The following COL18A1 variants were observed in gnomAD, a reference collection of about 807,000 sequenced individuals.
The protein encoded by COL18A1 is collagen alpha-1(XVIII) chain.
COL18A1 carries 133 observed loss-of-function variants against 168.0 expected under a neutral mutation model. That is an observed-to-expected ratio of 0.79 (90% confidence interval 0.69 to 0.91). The LOEUF (loss-of-function observed/expected upper bound fraction) is 0.91. COL18A1 is among the 40% of genes least tolerant of loss of function. The pLI, the probability that COL18A1 is intolerant of heterozygous loss-of-function variation, is 0.00. For missense variants in COL18A1, 2,126 were observed against 1,925.4 expected (o/e 1.10, Z -1.95); for synonymous variants, 949 against 809.0 (o/e 1.17, Z -2.94).
chr21:45,406,959 C>A (rs2033132093), intron 2 of COL18A1, among the ~76,000 whole-genome samples: 2 of 152,220 alleles, frequency 1.3e-5, no homozygotes, highest in Admixed American at 1.3e-4. Flanking sequence ...CCCGGGCCTG[C>A]CCCAGCCTCA....
intron 18 of COL18A1, among the ~76,000 whole-genome samples, chr21:45,488,843 G>T (rs2036203188): frequency 6.6e-6 from 1 of 152,082 alleles, no homozygotes; most frequent in Non-Finnish European, 1.5e-5. Context: ...GGACCCAGGA[G>T]CTTTGTCCTC....
intron 2 of COL18A1, among the ~76,000 whole-genome samples, chr21:45,453,116 G>A (rs1165650877): frequency 6.6e-6 from 1 of 151,688 alleles, no homozygotes; most frequent in African/African-American, 2.4e-5. Flanking sequence ...CATTATGTAT[G>A]TGTGTGGGCT....
rs1602352093 is a variant in COL18A1 at position 45,423,910 on chromosome 21, C to G, written c.106+18437C>G. ...CGCACTCAGCTGCTCGCCCAGGGCC[C>G]TCCTGTTGGGCATTTGGATTTGGAA... On this transcript the variant is annotated intron_variant, in intron 2 of 41. Coordinates refer to ENST00000651438, the MANE Select transcript of COL18A1 (RefSeq NM_001379500.1). This position sits in a 1 kb window ranked among gnomAD's most constrained non-coding sequence, Gnocchi z 4.0. The G allele has an allele frequency of 6.6e-6, 1 of 152,300 alleles. No homozygotes were observed. Among genetic ancestry groups the G allele is most frequent in the African/African-American group, 2.4e-5 (1 of 41,446 alleles). The allele number at this position is 152,300 out of a possible 1,614,324, so 9.4% of individuals were successfully genotyped here. A position where few individuals can be genotyped will look rare whatever the true frequency, so the allele number is the denominator to read the frequency against.
intron 2 of COL18A1, among the ~76,000 whole-genome samples, chr21:45,439,263 C>T (rs2034301547): frequency 6.6e-6 from 1 of 152,252 alleles, no homozygotes; most frequent in South Asian, 2.1e-4. Context: ...CCAGGCAGGC[C>T]TGGACCGCCC....
chr21:45,494,743 G>A (rs2036474029), intron 27 of COL18A1, 119 bp from the exon 28 acceptor site: 1 of 1,279,176 alleles, frequency 7.8e-7, no homozygotes, highest in Non-Finnish European at 1.1e-6. Flanking sequence ...GCTCCTCCGA[G>A]CTGATGGGTG....
chr21:45,481,870 G>A, intron 13 of COL18A1, 93 bp from the exon 14 acceptor site: 1 of 903,602 alleles, frequency 1.1e-6, no homozygotes, highest in Non-Finnish European at 1.8e-6. Flanking sequence ...CCTGCCTTCT[G>A]GAAACCTGCG....
chr21:45,485,197 C>T (rs1230153477), intron 15 of COL18A1, among the ~76,000 whole-genome samples: 2 of 113,088 alleles, frequency 1.8e-5, no homozygotes, highest in African/African-American at 3.4e-5. Context: ...GGCAGGGTTT[C>T]GTCATGATGG....
At position 45,443,724 on chromosome 21, in the gene COL18A1, C is replaced by G. The variant is rs1194376400; in HGVS notation, c.107-24518C>G. On this transcript the variant is annotated intron_variant, in intron 2 of 41. Coordinates refer to ENST00000651438, the MANE Select transcript of COL18A1 (RefSeq NM_001379500.1). The surrounding 1 kb of genome is among the most constrained non-coding windows in gnomAD (Gnocchi z 5.2). ...CCTCCGTGAAAACACAAATCAAGTG[C>G]CAATTTCCTGGTGAAGAGTCTTTAT... Among the ~76,000 whole-genome samples the G allele has an allele frequency of 2.0e-5, 3 of 152,216 alleles. No homozygotes were observed. The highest frequency in any genetic ancestry group is 2.0e-4 in the Admixed American group (3 of 15,292).
At chr21:45,440,482 C>T (rs150298460) in intron 2 of COL18A1, among the ~76,000 whole-genome samples, 1 of 151,850 alleles carries the variant, frequency 6.6e-6, no homozygotes, top group Non-Finnish European at 1.5e-5. Context: ...GCAGTCGGGG[C>T]CTGCTGGGGT....
intron 32 of COL18A1, among the ~76,000 whole-genome samples, chr21:45,502,286 C>G (rs1457802672): frequency 6.6e-6 from 1 of 152,328 alleles, no homozygotes; most frequent in Middle Eastern, 3.4e-3. Context: ...GTCCCCACCC[C>G]GGTCACGGTT....
At chr21:45,436,928 G>T (rs1478187894) in intron 2 of COL18A1, among the ~76,000 whole-genome samples, 1 of 151,640 alleles carries the variant, frequency 6.6e-6, no homozygotes, top group Non-Finnish European at 1.5e-5. Context: ...GGCTAGGGGC[G>T]AGCCGGGCTG....
chr21:45,458,655 C>T (rs901915004), intron 2 of COL18A1, among the ~76,000 whole-genome samples: 2 of 152,184 alleles, frequency 1.3e-5, no homozygotes, highest in African/African-American at 2.4e-5. Flanking sequence ...TGGAGGGACC[C>T]GGGTCCGGTG....
intron 2 of COL18A1, chr21:45,422,742 C>A (rs551546336): frequency 7.5e-6 from 2 of 266,320 alleles, no homozygotes; most frequent in South Asian, 3.1e-5. Flanking sequence ...GTGGAGGGGC[C>A]TGTTCTTTGG....
rs537875254 is a variant in COL18A1 at position 45,479,367 on chromosome 21, A to G, written c.1249-535A>G. 2.6e-4 allele frequency among the ~76,000 whole-genome samples: 40 copies of G among 151,496 alleles called. No homozygotes were observed. In the South Asian group the frequency reaches 4.6e-3, roughly 17 times the overall value. ...ACACACTACACACACGTGTGTGCAC[A>G]CACACCACAGGTGGACGCATGCACA... On this transcript the variant is annotated intron_variant, in intron 9 of 41. Coordinates refer to ENST00000651438, the MANE Select transcript of COL18A1 (RefSeq NM_001379500.1).
chr21:45,497,145 G>GAGCCCC, intron 31 of COL18A1, 53 bp downstream of exon 31: 1 of 1,147,214 alleles, frequency 8.7e-7, no homozygotes, highest in Non-Finnish European at 1.3e-6. Flanking sequence ...GGATGCTCCA[G>GAGCCCC]AGCCCCACCT....
rs117265607 is a variant in COL18A1 at position 45,431,198 on chromosome 21, C to T, written c.106+25725C>T. 7.3e-4 allele frequency among the ~76,000 whole-genome samples: 111 copies of T among 152,264 alleles called. No individual in the cohort carries two copies. The East Asian group carries it at 0.018, about 24-fold the overall frequency. ...CTCTGTGCTCTCCAAGGGTGGGCGA[C>T]GGACAGACAGGGTGTCCCACCCCTT... On this transcript the variant is annotated intron_variant, in intron 2 of 41. Transcript: ENST00000651438.
chr21:45,509,263 A>G lies in COL18A1; in HGVS notation c.3250-93A>G, dbSNP rs1018941661. 8.0e-6 allele frequency: 12 copies of G among 1,504,560 alleles called. No homozygotes were observed. The South Asian group carries it at 1.1e-4, about 14-fold the overall frequency. 93.2% of individuals were successfully genotyped at this position (1,504,560 alleles called of 1,614,324 possible). On this transcript the variant is annotated intron_variant, in intron 38 of 41. Coordinates refer to ENST00000651438, the MANE Select transcript of COL18A1 (RefSeq NM_001379500.1). ...CTCCCTGCTTGCCAGTTCAGAGCCCAGCCCCTCTCACCCAGCCCAGAGGAG... is the reference window on the plus strand; with the variant it reads ...CTCCCTGCTTGCCAGTTCAGAGCCCGGCCCCTCTCACCCAGCCCAGAGGAG...
chr21:45,505,776 C>T, intron 36 of COL18A1, 62 bp from the exon 37 acceptor site: 2 of 1,278,180 alleles, frequency 1.6e-6, no homozygotes, highest in Admixed American at 2.0e-5. Context: ...GCATTCCTTC[C>T]TTCCGCCCCT....
chr21:45,452,699 T>G (rs2034654884), intron 2 of COL18A1, among the ~76,000 whole-genome samples: 1 of 148,824 alleles, frequency 6.7e-6, no homozygotes, highest in Non-Finnish European at 1.5e-5. Context: ...GTATGTGAGT[T>G]TGTGTATGCA....
Sources: allele counts gnomAD v4.1 joint callset (sites outside exome capture counted in the v4.1 genomes callset), GRCh38; gene constraint gnomAD v4.1.1; non-coding constraint Gnocchi (gnomAD v3.1); transcripts MANE v1.5; gene names NCBI Gene and HGNC (gene_info 2026-07-23, HGNC 2026-07-21).